The following PAK1 variants were observed in gnomAD, a reference collection of about 807,000 sequenced individuals.
PAK1 encodes p21 (RAC1) activated kinase 1, also known as serine/threonine-protein kinase PAK 1.
A neutral mutation model predicts 67.4 loss-of-function variants in PAK1; 29 were observed. The ratio of observed to expected loss-of-function variants is 0.43; its 90% confidence interval spans 0.32 to 0.59. PAK1 has a LOEUF of 0.59. Ranked by LOEUF, PAK1 falls within the 20% of genes least tolerant of loss-of-function variation. The probability of loss-of-function intolerance (pLI) is 0.07; values close to 1 mark genes in which losing one functional copy is unlikely to be tolerated. For synonymous variants in PAK1, 223 were observed against 237.4 expected (o/e 0.94, Z 0.56); for missense variants, 337 against 670.7 (o/e 0.50, Z 5.50).
chr11:77,491,034 T>C, the PAK1 span, among the ~76,000 whole-genome samples: 1 of 151,914 alleles, frequency 6.6e-6, no homozygotes, highest in Non-Finnish European at 1.5e-5. Flanking sequence ...CAGAGACCTT[T>C]GTTCACTTGT....
chr11:77,460,138 T>G (rs1304287011), intron 1 of PAK1, among the ~76,000 whole-genome samples: 1 of 147,140 alleles, frequency 6.8e-6, no homozygotes, highest in Non-Finnish European at 1.5e-5. Context: ...AGAGACAGAC[T>G]TTCTCAAACT....
At chr11:77,372,400 A>T in intron 5 of PAK1, among the ~76,000 whole-genome samples, 1 of 152,208 alleles carries the variant, frequency 6.6e-6, no homozygotes, top group Non-Finnish European at 1.5e-5. Flanking sequence ...CAAGGATAAT[A>T]ACTTACCTCA....
intron 7 of PAK1, among the ~76,000 whole-genome samples, chr11:77,354,420 C>T (rs1233032387): frequency 6.6e-6 from 1 of 152,098 alleles, no homozygotes; most frequent in Non-Finnish European, 1.5e-5. Flanking sequence ...ATTAACATCC[C>T]TATTTTAAAA....
chr11:77,423,614 C>T (rs1955400045), intron 1 of PAK1, among the ~76,000 whole-genome samples: 1 of 152,204 alleles, frequency 6.6e-6, no homozygotes, highest in African/African-American at 2.4e-5. Context: ...CTAATACTCA[C>T]TGTCTCATTA....
intron 1 of PAK1, among the ~76,000 whole-genome samples, chr11:77,405,860 A>G (rs192935206): frequency 9.8e-5 from 15 of 152,292 alleles, no homozygotes; most frequent in Admixed American, 5.9e-4. Flanking sequence ...TTTCATCAAA[A>G]GCAGTCTTGT....
At chr11:77,351,135 T>C (rs1945182614) in intron 8 of PAK1, among the ~76,000 whole-genome samples, 1 of 152,174 alleles carries the variant, frequency 6.6e-6, no homozygotes, top group Non-Finnish European at 1.5e-5. Context: ...ATATTACCAA[T>C]TCATCATATT....
At chr11:77,361,047 C>A (rs890548457) in intron 5 of PAK1, among the ~76,000 whole-genome samples, 3 of 152,156 alleles carry the variant, frequency 2.0e-5, no homozygotes, top group Non-Finnish European at 2.9e-5. Context: ...TCACTGTGTG[C>A]CAGACTCCAT....
At chr11:77,500,816 T>C in the PAK1 span, among the ~76,000 whole-genome samples, 1 of 148,966 alleles carries the variant, frequency 6.7e-6, no homozygotes, top group African/African-American at 2.5e-5. Context: ...TGCACTCCAG[T>C]CTAGGAGACA....
At chr11:77,475,435 G>A (rs959499025), upstream of PAK1, 2 of 152,212 alleles carry the variant, frequency 1.3e-5, no homozygotes, top group Non-Finnish European at 2.9e-5. Context: ...TTTAAACACC[G>A]AAAGGATTTT....
chr11:77,393,125 T>G (rs1281746348), intron 1 of PAK1, among the ~76,000 whole-genome samples: 1 of 151,986 alleles, frequency 6.6e-6, no homozygotes, highest in Non-Finnish European at 1.5e-5. Flanking sequence ...TTTTACCTGA[T>G]GCTGGCAGAG....
intron 1 of PAK1, among the ~76,000 whole-genome samples, chr11:77,437,554 T>G (rs182735865): frequency 2.0e-5 from 3 of 152,274 alleles, no homozygotes; most frequent in South Asian, 2.1e-4. Flanking sequence ...CAGGTGACAT[T>G]TGGCAATGTC....
the PAK1 span, among the ~76,000 whole-genome samples, chr11:77,491,203 T>C: frequency 4.1e-5 from 6 of 147,666 alleles, no homozygotes; most frequent in Admixed American, 2.0e-4. Flanking sequence ...AAAGAAATCA[T>C]TAGAAGGTAC....
At chr11:77,381,537 A>G (rs1474009183) in intron 2 of PAK1, among the ~76,000 whole-genome samples, 1 of 152,236 alleles carries the variant, frequency 6.6e-6, no homozygotes, top group Non-Finnish European at 1.5e-5. Context: ...CCCCTAAAAA[A>G]TTTCAAGTTG....
the PAK1 span, among the ~76,000 whole-genome samples, chr11:77,523,067 T>C: frequency 6.6e-6 from 1 of 152,162 alleles, no homozygotes; most frequent in Non-Finnish European, 1.5e-5. Flanking sequence ...TTCAGGCTAC[T>C]AGACAGCTGA....
At chr11:77,357,972 C>T (rs180734635) in intron 6 of PAK1, among the ~76,000 whole-genome samples, 13 of 152,074 alleles carry the variant, frequency 8.5e-5, no homozygotes, top group Admixed American at 5.2e-4. Flanking sequence ...AATTTTGAAG[C>T]GCATTTTCCC....
chr11:77,516,836 C>CT, the PAK1 span, among the ~76,000 whole-genome samples: 1 of 52,246 alleles, frequency 1.9e-5, no homozygotes, highest in Non-Finnish European at 3.6e-5. Context: ...GACCCCATCT[C>CT]TCAAAAAAAA....
At chr11:77,408,497 C>T (rs1196801257) in intron 1 of PAK1, among the ~76,000 whole-genome samples, 1 of 148,984 alleles carries the variant, frequency 6.7e-6, no homozygotes, top group Non-Finnish European at 1.5e-5. Context: ...ATGTTGTTGA[C>T]AAAAATGTAA....
At chr11:77,417,373 A>G (rs1455233930) in intron 1 of PAK1, among the ~76,000 whole-genome samples, 1 of 152,240 alleles carries the variant, frequency 6.6e-6, no homozygotes, top group Non-Finnish European at 1.5e-5. Context: ...AAAAGAAGCC[A>G]GTCTGAAAAG....
intron 1 of PAK1, among the ~76,000 whole-genome samples, chr11:77,445,112 T>C (rs1439126616): frequency 1.3e-5 from 2 of 152,046 alleles, no homozygotes; most frequent in Admixed American, 6.5e-5. Flanking sequence ...GGTGTCCTTA[T>C]AAAAAGGGGA....
Sources: gnomAD v4.1 joint callset for allele counts (sites outside exome capture counted in the v4.1 genomes callset) on GRCh38, gnomAD v4.1.1 for gene constraint, MANE v1.5 for transcripts, NCBI Gene and HGNC (gene_info 2026-07-23, HGNC 2026-07-21) for gene names.